The following OR5H14 variants were observed in gnomAD, a reference collection of about 807,000 sequenced individuals.
The protein encoded by OR5H14 is olfactory receptor family 5 subfamily H member 14.
For synonymous variants in OR5H14, 155 were observed against 130.6 expected, an observed-to-expected ratio of 1.19 and a Z score of -1.28; for missense variants, 392 against 363.9, an observed-to-expected ratio of 1.08 and a Z score of -0.63.
Position 98,150,084 on chromosome 3 carries a change from T to C in OR5H14, c.699T>C (p.Gly233=), listed in dbSNP as rs542403702. ...TCTTGAAAAAGAAGTCTGTCAAAGGTATGAGAAAAGCCTTCTCCACCTGTG... is the reference window on the plus strand; with the variant it reads ...TCTTGAAAAAGAAGTCTGTCAAAGGCATGAGAAAAGCCTTCTCCACCTGTG... ...YTILKKKSVK[G]MRKAFSTCGA... Residue 233 remains glycine (G), a synonymous_variant, in exon 2 of 2, where the codon GGT becomes GGC. Coordinates refer to ENST00000641380, the MANE Select transcript of OR5H14 (RefSeq NM_001005514.2). 1.5e-5 allele frequency: 24 copies of C among 1,610,936 alleles called. No homozygotes were observed. In the East Asian group the frequency reaches 5.4e-4, roughly 36 times the overall value.
chr3:98,148,159 T>C (rs1309896743), intron 1 of OR5H14: 1 of 151,886 alleles, frequency 6.6e-6, no homozygotes, highest in Non-Finnish European at 1.5e-5. Context: ...ATCATGTCCC[T>C]TCACTCTACA....
In OR5H14 at chr3:98,153,112, T is replaced by C. The variant is rs895711227; in HGVS notation, c.*2794T>C. On this transcript the variant is annotated 3_prime_UTR_variant, in exon 2 of 2. Transcript: ENST00000641380. Reference sequence around the variant, plus strand: ...CTTTGTTTTTGCCATGTTAATCATATAGAGAAAATCTGGCAACCGTCATGG... The same window carrying C: ...CTTTGTTTTTGCCATGTTAATCATACAGAGAAAATCTGGCAACCGTCATGG... 33 of 152,222 alleles carry C rather than the reference T, an allele frequency of 2.2e-4. No individual in the cohort carries two copies. The highest frequency in any genetic ancestry group is 7.5e-4 in the African/African-American group (31 of 41,542). 9.4% of individuals were successfully genotyped at this position (152,222 alleles called of 1,614,324 possible).
rs955109886 is a variant in OR5H14 at position 98,156,122 on chromosome 3, T to G, written c.*5804T>G. On this transcript the variant is annotated 3_prime_UTR_variant, in exon 2 of 2. Transcript: ENST00000641380. ...TTGAAAGCAAATTTTTACAAACATT[T>G]TTCTAAGACTGGAAATGAAGCCTCC... 3 of 152,142 alleles carry G rather than the reference T, an allele frequency of 2.0e-5. No homozygotes were observed. Among genetic ancestry groups the G allele is most frequent in the African/African-American group, 4.8e-5 (2 of 41,438 alleles). 9.4% of individuals were successfully genotyped at this position (152,142 alleles called of 1,614,324 possible). A position where few individuals can be genotyped will look rare whatever the true frequency, so the allele number is the denominator to read the frequency against.
rs758467137 is a variant in OR5H14 at position 98,152,386 on chromosome 3, C to T, written c.*2068C>T. ...GGAGCACTATTCACAATAGCAAACA[C>T]TTGGAACCAACCCAAAGGCCCATCA... On this transcript the variant is annotated 3_prime_UTR_variant, in exon 2 of 2. Coordinates refer to ENST00000641380, the MANE Select transcript of OR5H14 (RefSeq NM_001005514.2). The T allele has an allele frequency of 1.5e-4, 23 of 152,126 alleles. No individual in the cohort carries two copies. The highest frequency in any genetic ancestry group is 3.2e-4 in the Non-Finnish European group (22 of 68,046). 9.4% of individuals were successfully genotyped at this position (152,126 alleles called of 1,614,324 possible).
In OR5H14 at chr3:98,151,386, A is replaced by G. The variant is rs772551246; in HGVS notation, c.*1068A>G. The stretch of plus-strand genomic sequence containing the variant: ...TCTTCTCACTTCATATTCTTGAAGT[A>G]TGTGAGTCATCCATCTGCCATTCCA... On this transcript the variant is annotated 3_prime_UTR_variant, in exon 2 of 2. Transcript: ENST00000641380. The G allele has an allele frequency of 6.6e-6, 1 of 152,168 alleles. No individual in the cohort carries two copies. Among genetic ancestry groups the G allele is most frequent in the Non-Finnish European group, 1.5e-5 (1 of 68,010 alleles). The allele number at this position is 152,168 out of a possible 1,614,324, so 9.4% of individuals were successfully genotyped here.
At chr3:98,148,478 C>T (rs1256513120) in intron 1 of OR5H14, among the ~76,000 whole-genome samples, 1 of 151,948 alleles carries the variant, frequency 6.6e-6, no homozygotes, top group Non-Finnish European at 1.5e-5. Flanking sequence ...CCTAGTTGAC[C>T]ACATGATGCT....
rs761300783 is a variant in OR5H14 at position 98,149,991 on chromosome 3, T to C, written c.606T>C (p.Phe202=). The C allele has an allele frequency of 9.0e-5, 145 of 1,613,018 alleles. No homozygotes were observed. Among genetic ancestry groups the C allele is most frequent in the Non-Finnish European group, 1.2e-4 (139 of 1,179,556 alleles). The change falls in exon 2 of 2, where the codon TTT becomes TTC. Residue 202 remains phenylalanine (F), a synonymous_variant. Transcript: ENST00000641380. ...TTAACTTTCTAATGGTTTTTATTTTTGCAGGTTCAATTCAAGTTTTTACCA... is the reference window on the plus strand; with the variant it reads ...TTAACTTTCTAATGGTTTTTATTTTCGCAGGTTCAATTCAAGTTTTTACCA... The part of the protein sequence containing the change: ...SSINFLMVFI[F]AGSIQVFTIG...
At position 98,153,756 on chromosome 3, in the gene OR5H14, G is replaced by C. The variant is rs1212501520; in HGVS notation, c.*3438G>C. The C allele has an allele frequency of 6.6e-6, 1 of 152,146 alleles. No individual in the cohort carries two copies. Among genetic ancestry groups the C allele is most frequent in the Non-Finnish European group, 1.5e-5 (1 of 68,022 alleles). 9.4% of individuals were successfully genotyped at this position (152,146 alleles called of 1,614,324 possible). ...TCTGTTTTGCAGTCTGAATGTCTCTGATTATGTTATTGGATGTTTTGGTGA... is the reference window on the plus strand; with the variant it reads ...TCTGTTTTGCAGTCTGAATGTCTCTCATTATGTTATTGGATGTTTTGGTGA... On this transcript the variant is annotated 3_prime_UTR_variant, in exon 2 of 2. Transcript: ENST00000641380.
intron 1 of OR5H14, among the ~76,000 whole-genome samples, chr3:98,148,649 ATTTC>A (rs1332937637): frequency 1.3e-5 from 2 of 151,400 alleles, no homozygotes; most frequent in East Asian, 3.9e-4. Flanking sequence ...CTTGGAATCT[ATTTC>A]TTTGTCTTAC....
At chr3:98,148,353 G>C (rs548016896) in intron 1 of OR5H14, among the ~76,000 whole-genome samples, 1 of 151,900 alleles carries the variant, frequency 6.6e-6, no homozygotes, top group Non-Finnish European at 1.5e-5. Context: ...CACTCTTTTT[G>C]TTTCTTTGTT....
At position 98,149,032 on chromosome 3, in the gene OR5H14, G is replaced by A. The variant is rs189417196; in HGVS notation, c.-18-336G>A. On this transcript the variant is annotated intron_variant, in intron 1 of 1. Coordinates refer to ENST00000641380, the MANE Select transcript of OR5H14 (RefSeq NM_001005514.2). ...TATAAAGTTTAAGATTCTTCACGTG[G>A]CATTTATTTCATCTGGATATTCACT... Among the ~76,000 whole-genome samples, 135 of 152,010 alleles carry A rather than the reference G, an allele frequency of 8.9e-4. 1 individual carries two copies. The highest frequency in any genetic ancestry group is 1.4e-3 in the Non-Finnish European group (97 of 67,936).
intron 1 of OR5H14, among the ~76,000 whole-genome samples, chr3:98,148,595 A>T (rs1379897810): frequency 1.4e-4 from 22 of 151,880 alleles, no homozygotes; most frequent in Admixed American, 1.3e-3. Flanking sequence ...CTTCTTCCCC[A>T]CCAAATATGT....
Position 98,150,315 on chromosome 3 carries a change from T to C in OR5H14, c.930T>C (p.Val310=), listed in dbSNP as rs771155542. ...SFTKMFKRND[V] is the part of the protein sequence containing the mutation. The stretch of plus-strand genomic sequence containing the variant: ...CAAAAATGTTCAAAAGAAATGATGT[T>C]TAGATCATTACTAATATCTCTTTTC... Residue 310 remains valine (V), a synonymous_variant, in exon 2 of 2, where the codon GTT becomes GTC. Coordinates refer to ENST00000641380, the MANE Select transcript of OR5H14 (RefSeq NM_001005514.2). 1 of 1,541,320 alleles carries C rather than the reference T, an allele frequency of 6.5e-7. No homozygotes were observed. The highest frequency in any genetic ancestry group is 1.2e-5 in the South Asian group (1 of 80,390).
chr3:98,155,158 T>C lies in OR5H14; in HGVS notation c.*4840T>C, dbSNP rs1708569014. The C allele has an allele frequency of 1.3e-5, 2 of 152,274 alleles. No individual in the cohort carries two copies. The highest frequency in any genetic ancestry group is 2.9e-5 in the Non-Finnish European group (2 of 68,078). 9.4% of individuals were successfully genotyped at this position (152,274 alleles called of 1,614,324 possible). Reference sequence around the variant, plus strand: ...CACAAGAAGACAGTTTTAACCCCTATGATTTTATCCCCAACACAACCAATC... The same window carrying C: ...CACAAGAAGACAGTTTTAACCCCTACGATTTTATCCCCAACACAACCAATC... On this transcript the variant is annotated 3_prime_UTR_variant, in exon 2 of 2. Coordinates refer to ENST00000641380, the MANE Select transcript of OR5H14 (RefSeq NM_001005514.2).
Position 98,155,234 on chromosome 3 carries a change from C to T in OR5H14, c.*4916C>T, listed in dbSNP as rs1246862520. On this transcript the variant is annotated 3_prime_UTR_variant, in exon 2 of 2. Transcript: ENST00000641380. ...GCCCAACAAACCGTGTTTAGAAAAC[C>T]CTACCCTCTGGATTTTTGGAAAGGG... The T allele has an allele frequency of 3.3e-5, 5 of 152,216 alleles. No individual in the cohort carries two copies. Among genetic ancestry groups the T allele is most frequent in the Admixed American group, 1.3e-4 (2 of 15,254 alleles). 9.4% of individuals were successfully genotyped at this position (152,216 alleles called of 1,614,324 possible). A position where few individuals can be genotyped will look rare whatever the true frequency, so the allele number is the denominator to read the frequency against.
rs9832742 is a variant in OR5H14 at position 98,152,723 on chromosome 3, G to T, written c.*2405G>T. ...ATGTGGGACTTGAAACCTAGGTGAC[G>T]GGTTGATGGGTGTAGCAAAACGCCA... On this transcript the variant is annotated 3_prime_UTR_variant, in exon 2 of 2. Transcript: ENST00000641380. The T allele has an allele frequency of 6.6e-6, 1 of 151,744 alleles. No homozygotes were observed. The highest frequency in any genetic ancestry group is 2.1e-4 in the South Asian group (1 of 4,806). 9.4% of individuals were successfully genotyped at this position (151,744 alleles called of 1,614,324 possible).
chr3:98,149,645 C>G lies in OR5H14; in HGVS notation c.260C>G (p.Ala87Gly). The G allele has an allele frequency of 6.2e-7, 1 of 1,613,566 alleles. No homozygotes were observed. The highest frequency in any genetic ancestry group is 1.1e-5 in the South Asian group (1 of 91,068). ...VTLKMLINFLAKSKMISLSEC... is the reference protein window; with the variant it reads ...VTLKMLINFLGKSKMISLSEC... ...CTGAAGATGCTGATCAACTTCTTAG[C>G]TAAGAGTAAGATGATATCTCTCTCT... Residue 87 changes from alanine to glycine, a missense_variant, in exon 2 of 2, where the codon GCT becomes GGT. Physicochemically the swap from Ala to Gly is moderately conservative, Grantham distance 60. Transcript: ENST00000641380.
chr3:98,150,717 G>T lies in OR5H14; in HGVS notation c.*399G>T, dbSNP rs60651776. 4,509 of 154,310 alleles carry T rather than the reference G, an allele frequency of 0.029. 214 individuals carry two copies. The highest frequency in any genetic ancestry group is 0.097 in the African/African-American group (4,050 of 41,606). The allele number at this position is 154,310 out of a possible 1,614,324, so 9.6% of individuals were successfully genotyped here. A position where few individuals can be genotyped will look rare whatever the true frequency, so the allele number is the denominator to read the frequency against. ...ATTTATCTTCATAGTGAATGTTGAT[G>T]TGTGTTTAGAGGAAGACAGGTAGAT... On this transcript the variant is annotated 3_prime_UTR_variant, in exon 2 of 2. Coordinates refer to ENST00000641380, the MANE Select transcript of OR5H14 (RefSeq NM_001005514.2).
chr3:98,149,354 G>A lies in OR5H14; in HGVS notation c.-18-14G>A. The A allele has an allele frequency of 1.2e-6, 2 of 1,604,202 alleles. No individual in the cohort carries two copies. The highest frequency in any genetic ancestry group is 2.2e-5 in the South Asian group (2 of 90,256). ...TTGCAGATGTTCCCTTTCATTTGTT[G>A]CATTTTATTTTAGAGGACATGCAGT... On this transcript the variant is annotated splice_polypyrimidine_tract_variant and intron_variant, in intron 1 of 1. Transcript: ENST00000641380.
Sources: gnomAD v4.1 joint callset for allele counts (sites outside exome capture counted in the v4.1 genomes callset) on GRCh38, gnomAD v4.1.1 for gene constraint, MANE v1.5 for transcripts, NCBI Gene and HGNC (gene_info 2026-07-23, HGNC 2026-07-21) for gene names.